BLTP1: variants seen among roughly 807,000 people sequenced by gnomAD.
The protein encoded by BLTP1 is fragile site-associated protein.
the BLTP1 span, chr4:122,336,415 G>T: frequency 8.8e-7 from 1 of 1,133,716 alleles, no homozygotes; most frequent in African/African-American, 1.6e-5. Context: ...TATATAGAAG[G>T]TTTTCTTAAT....
chr4:122,247,518 ACT>A, the BLTP1 span: 1 of 1,034,758 alleles, frequency 9.7e-7, no homozygotes, highest in Non-Finnish European at 1.4e-6. Context: ...GTATTTAGCT[ACT>A]TGTCACTCAC....
chr4:122,236,520 G>A, the BLTP1 span, among the ~76,000 whole-genome samples: 1 of 152,116 alleles, frequency 6.6e-6, no homozygotes, highest in African/African-American at 2.4e-5. Context: ...GGACACTGAG[G>A]CCTGTCAGTG....
At chr4:122,240,243 A>C in the BLTP1 span, 1 of 1,614,146 alleles carries the variant, frequency 6.2e-7, no homozygotes. Flanking sequence ...TAAGCACCCA[A>C]CCAACAAAAG....
the BLTP1 span, chr4:122,349,073 G>C: frequency 1.5e-5 from 17 of 1,151,946 alleles, no homozygotes; most frequent in East Asian, 4.4e-4. This position sits in a 1 kb window ranked among gnomAD's most constrained non-coding sequence, Gnocchi z 4.5. Context: ...TAAATAATCT[G>C]ATTTAACTCC....
the BLTP1 span, chr4:122,340,816 C>T: frequency 1.0e-6 from 1 of 957,296 alleles, no homozygotes; most frequent in Non-Finnish European, 1.2e-6. Context: ...AAGTTACACT[C>T]ACTATTCATT....
chr4:122,328,156 C>A, the BLTP1 span: 1 of 1,610,302 alleles, frequency 6.2e-7, no homozygotes. Context: ...GAAGGTCCAT[C>A]CCATTATTCA....
the BLTP1 span, chr4:122,182,595 T>G: frequency 1.0e-6 from 1 of 957,236 alleles, no homozygotes; most frequent in Non-Finnish European, 1.2e-6. Flanking sequence ...CCTTGAGGAA[T>G]AAGGCATTCA....
At chr4:122,256,401 C>T in the BLTP1 span, among the ~76,000 whole-genome samples, 3 of 152,194 alleles carry the variant, frequency 2.0e-5, no homozygotes, top group Non-Finnish European at 4.4e-5. Context: ...TGGATGGATG[C>T]TCTGCCAGAT....
At chr4:122,324,602 C>A in the BLTP1 span, 1 of 1,259,744 alleles carries the variant, frequency 7.9e-7, no homozygotes, top group Non-Finnish European at 1.1e-6. Context: ...AGGTCAACTA[C>A]TTTTTTATGT....
At chr4:122,197,732 C>T in the BLTP1 span, among the ~76,000 whole-genome samples, 1 of 151,978 alleles carries the variant, frequency 6.6e-6, no homozygotes, top group Non-Finnish European at 1.5e-5. Context: ...CTTTGAGTGG[C>T]ATAACTTTAA....
At chr4:122,313,373 G>T in the BLTP1 span, among the ~76,000 whole-genome samples, 1 of 152,076 alleles carries the variant, frequency 6.6e-6, no homozygotes, top group Non-Finnish European at 1.5e-5. Context: ...CATGCAGAAA[G>T]TAAAGCTAAA....
At chr4:122,289,888 A>T in the BLTP1 span, 12 of 667,514 alleles carry the variant, frequency 1.8e-5, no homozygotes, top group African/African-American at 2.0e-4. Flanking sequence ...TGACAAGAAC[A>T]GGGTGCTATG....
the BLTP1 span, chr4:122,339,189 GCTGT>G: frequency 1.7e-5 from 27 of 1,606,266 alleles, no homozygotes; most frequent in Admixed American, 6.7e-5. Flanking sequence ...GAAACCTTTT[GCTGT>G]CTGTTATTTT....
the BLTP1 span, chr4:122,171,831 T>G: frequency 1.1e-5 from 11 of 984,056 alleles, no homozygotes; most frequent in African/African-American, 1.9e-4. Flanking sequence ...AGAAAAACAT[T>G]GAGCAATTGT....
At chr4:122,247,025 A>C in the BLTP1 span, 1 of 1,317,064 alleles carries the variant, frequency 7.6e-7, no homozygotes, top group Non-Finnish European at 1.0e-6. Context: ...TAAACATTGA[A>C]TAATTTTTTA....
At chr4:122,271,634 C>A in the BLTP1 span, 1 of 1,612,358 alleles carries the variant, frequency 6.2e-7, no homozygotes, top group Non-Finnish European at 8.5e-7. Context: ...TGAGTGCTGG[C>A]AGAATATGTA....
At chr4:122,236,381 A>G in the BLTP1 span, among the ~76,000 whole-genome samples, 1 of 152,206 alleles carries the variant, frequency 6.6e-6, no homozygotes, top group South Asian at 2.1e-4. Context: ...GATTGTAATA[A>G]TTTAGCTGTC....
At chr4:122,226,063 C>T in the BLTP1 span, 1 of 152,108 alleles carries the variant, frequency 6.6e-6, no homozygotes, top group East Asian at 1.9e-4. Context: ...ATTCCATTCT[C>T]TGTATGTTTT....
the BLTP1 span, among the ~76,000 whole-genome samples, chr4:122,230,386 A>G: frequency 2.0e-5 from 3 of 152,206 alleles, no homozygotes; most frequent in African/African-American, 7.2e-5. Flanking sequence ...AAGTAAATAT[A>G]TATCTTGTCT....
Sources: allele counts gnomAD v4.1 joint callset (sites outside exome capture counted in the v4.1 genomes callset), GRCh38; gene constraint gnomAD v4.1.1; non-coding constraint Gnocchi (gnomAD v3.1); transcripts MANE v1.5; gene names NCBI Gene and HGNC (gene_info 2026-07-23, HGNC 2026-07-21).